Variants in SLC24A2 observed in about 807,000 individuals in gnomAD.
The protein encoded by SLC24A2 is solute carrier family 24 member 2.
SLC24A2 carries 36 observed loss-of-function variants against 62.0 expected under a neutral mutation model. The observed-to-expected ratio is 0.58, with a 90% confidence interval of 0.44 to 0.77. The LOEUF (loss-of-function observed/expected upper bound fraction) is 0.77. SLC24A2 is among the 30% of genes least tolerant of loss of function. The pLI is 0.00. For synonymous variants in SLC24A2, 358 were observed against 294.0 expected, an observed-to-expected ratio of 1.22 and a Z score of -2.23; for missense variants, 846 against 817.9, an observed-to-expected ratio of 1.03 and a Z score of -0.42.
the SLC24A2 span, among the ~76,000 whole-genome samples, chr9:20,067,538 CCTT>C: frequency 6.6e-6 from 1 of 152,014 alleles, no homozygotes; most frequent in Non-Finnish European, 1.5e-5. Flanking sequence ...CACTCTCTCT[CCTT>C]CTCCCATCTA....
intron 5 of SLC24A2, among the ~76,000 whole-genome samples, chr9:19,581,280 T>C (rs142807096): frequency 6.6e-6 from 1 of 152,310 alleles, no homozygotes; most frequent in East Asian, 1.9e-4. Context: ...GTGATAGAGC[T>C]GGCTTTCTGG....
At chr9:19,597,590 C>A (rs1836735814) in intron 4 of SLC24A2, among the ~76,000 whole-genome samples, 1 of 152,078 alleles carries the variant, frequency 6.6e-6, no homozygotes, top group African/African-American at 2.4e-5. Context: ...CTATTGTAAC[C>A]CTGTAATTTT....
the SLC24A2 span, among the ~76,000 whole-genome samples, chr9:20,014,072 G>C: frequency 3.3e-5 from 5 of 152,062 alleles, no homozygotes; most frequent in African/African-American, 7.2e-5. Context: ...GCAGGGTGTG[G>C]TGGTACATGC....
At chr9:19,650,493 C>T (rs1379771920) in intron 2 of SLC24A2, among the ~76,000 whole-genome samples, 1 of 152,188 alleles carries the variant, frequency 6.6e-6, no homozygotes, top group Admixed American at 6.6e-5. Flanking sequence ...CAGTTGTGAA[C>T]CAGCCCTGAT....
In SLC24A2 at chr9:19,788,958, C is replaced by T; in HGVS notation, c.-227G>A. On this transcript the variant is annotated 5_prime_UTR_variant, in exon 1 of 11. Transcript: ENST00000341998. ...CCGCCGCTCCAGTCCGCCGGCCCTCCGCCTACCCGCTCTGAGGCCCGGGCT... is the reference window on the plus strand; with the variant it reads ...CCGCCGCTCCAGTCCGCCGGCCCTCTGCCTACCCGCTCTGAGGCCCGGGCT... The T allele has an allele frequency of 1.0e-6, 1 of 985,178 alleles. No homozygotes were observed. The highest frequency in any genetic ancestry group is 1.2e-6 in the Non-Finnish European group (1 of 829,696). 61.0% of individuals were successfully genotyped at this position (985,178 alleles called of 1,614,324 possible). A position where few individuals can be genotyped will look rare whatever the true frequency, so the allele number is the denominator to read the frequency against.
At chr9:20,210,122 C>T in the SLC24A2 span, among the ~76,000 whole-genome samples, 53 of 152,140 alleles carry the variant, frequency 3.5e-4, no homozygotes, top group African/African-American at 1.2e-3. Flanking sequence ...TACATTCACA[C>T]AGGATGAACA....
the SLC24A2 span, among the ~76,000 whole-genome samples, chr9:20,107,369 A>G: frequency 6.6e-6 from 1 of 151,588 alleles, no homozygotes; most frequent in Non-Finnish European, 1.5e-5. Flanking sequence ...GGAACCAAAA[A>G]AGAGCCCACA....
the SLC24A2 span, among the ~76,000 whole-genome samples, chr9:20,144,249 A>G: frequency 6.6e-6 from 1 of 152,212 alleles, no homozygotes; most frequent in East Asian, 1.9e-4. Flanking sequence ...AGCACATGTC[A>G]AAGCTTCTGC....
chr9:19,843,555 C>T, the SLC24A2 span, among the ~76,000 whole-genome samples: 2 of 152,036 alleles, frequency 1.3e-5, no homozygotes, highest in Non-Finnish European at 2.9e-5. Context: ...TCAGGGGGTC[C>T]ATGTGCATAT....
At chr9:19,991,663 C>T in the SLC24A2 span, among the ~76,000 whole-genome samples, 5 of 152,280 alleles carry the variant, frequency 3.3e-5, no homozygotes, top group East Asian at 9.6e-4. Flanking sequence ...AACTACCATC[C>T]TATACTGTCC....
At chr9:20,157,187 T>C in the SLC24A2 span, among the ~76,000 whole-genome samples, 1 of 151,196 alleles carries the variant, frequency 6.6e-6, no homozygotes, top group African/African-American at 2.4e-5. Flanking sequence ...ACCATAGGAG[T>C]GTTTTCTATT....
chr9:19,710,866 A>G (rs1587198442), intron 2 of SLC24A2, among the ~76,000 whole-genome samples: 1 of 152,180 alleles, frequency 6.6e-6, no homozygotes, highest in South Asian at 2.1e-4. Flanking sequence ...AAATGATCCT[A>G]CCCTCAAGCC....
At chr9:19,859,890 G>C in the SLC24A2 span, among the ~76,000 whole-genome samples, 1 of 152,184 alleles carries the variant, frequency 6.6e-6, no homozygotes, top group African/African-American at 2.4e-5. Context: ...CATAAGGAGG[G>C]TGCATTTAAA....
chr9:20,020,625 A>G, the SLC24A2 span, among the ~76,000 whole-genome samples: 29 of 152,316 alleles, frequency 1.9e-4, no homozygotes, highest in African/African-American at 6.5e-4. Context: ...ATTGTAGATG[A>G]TGGGTTGATG....
chr9:20,008,275 G>A, the SLC24A2 span, among the ~76,000 whole-genome samples: 2 of 152,010 alleles, frequency 1.3e-5, no homozygotes, highest in African/African-American at 4.8e-5. Flanking sequence ...GTATCCTTTG[G>A]GAAGAGGAGC....
the SLC24A2 span, among the ~76,000 whole-genome samples, chr9:20,162,967 G>A: frequency 2.0e-5 from 3 of 152,092 alleles, no homozygotes; most frequent in African/African-American, 7.2e-5. Flanking sequence ...ATTAGGTATT[G>A]ATGGGACATA....
chr9:20,272,687 A>C, the SLC24A2 span, among the ~76,000 whole-genome samples: 1 of 152,196 alleles, frequency 6.6e-6, no homozygotes, highest in African/African-American at 2.4e-5. Context: ...AAATAACAAA[A>C]AGAAGAAAAG....
intron 8 of SLC24A2, among the ~76,000 whole-genome samples, chr9:19,539,336 G>A (rs1369710930): frequency 1.4e-5 from 2 of 142,674 alleles, no homozygotes; most frequent in Non-Finnish European, 3.1e-5. Context: ...TCTCTTGTAG[G>A]CATTTAGTGC....
At position 19,636,279 on chromosome 9, in the gene SLC24A2, T is replaced by TTCTTC. The variant is rs1486700882; in HGVS notation, c.931-13985_931-13981dup. Among the ~76,000 whole-genome samples the TTCTTC allele has an allele frequency of 1.1e-3, 60 of 54,764 alleles. 3 individuals are homozygous for TTCTTC. The highest frequency in any genetic ancestry group is 5.7e-3 in the Admixed American group (31 of 5,438). The allele number at this position is 54,764 out of a possible 152,430, so 35.9% of individuals were successfully genotyped here. A position where few individuals can be genotyped will look rare whatever the true frequency, so the allele number is the denominator to read the frequency against. ...CCTTTTCTTTTCTTCTCTTCTTCTC[T>TTCTTC]TCTTCTCTTCTTTTCTTTTCTTTTC... On this transcript the variant is annotated intron_variant, in intron 2 of 10. Transcript: ENST00000341998.
Sources: gnomAD v4.1 joint callset for allele counts (sites outside exome capture counted in the v4.1 genomes callset) on GRCh38, gnomAD v4.1.1 for gene constraint, MANE v1.5 for transcripts, NCBI Gene and HGNC (gene_info 2026-07-23, HGNC 2026-07-21) for gene names.